PRKG1: variants seen among roughly 807,000 people sequenced by gnomAD.
PRKG1 encodes cGMP-dependent protein kinase 1.
Under a neutral mutation model 88.1 loss-of-function variants are expected in PRKG1, and 35 were observed. The observed-to-expected ratio is 0.40, with a 90% confidence interval of 0.30 to 0.53. The LOEUF is 0.53. Among genes scored for constraint, PRKG1 ranks in the 20% least tolerant of loss-of-function variants. PRKG1 has a pLI of 0.59. For missense variants in PRKG1, 540 were observed against 839.8 expected, an observed-to-expected ratio of 0.64 and a Z score of 4.41; for synonymous variants, 303 against 292.5, an observed-to-expected ratio of 1.04 and a Z score of -0.37.
At chr10:52,198,286 G>C (rs776822415) in intron 9 of PRKG1, among the ~76,000 whole-genome samples, 4 of 152,108 alleles carry the variant, frequency 2.6e-5, no homozygotes, top group Non-Finnish European at 5.9e-5. Flanking sequence ...ATAAATATTT[G>C]TTCTGTGGAA....
rs534890181 is a variant in PRKG1, at chr10:52,219,350, A to G, written c.1077-32220A>G. ...CCTTCAGATTACAAACTCTCTGCAT[A>G]AGAGTCCAGTAATCCTTTGAGTCTA... On this transcript the variant is annotated intron_variant, in intron 9 of 17. Coordinates refer to ENST00000373980, the MANE Select transcript of PRKG1 (RefSeq NM_006258.4). Among the ~76,000 whole-genome samples, 5 of 152,300 alleles carry G rather than the reference A, an allele frequency of 3.3e-5. No homozygotes were observed. In the South Asian group the frequency reaches 1.0e-3, roughly 32 times the overall value.
At chr10:51,404,514 A>G (rs1382115673) in intron 2 of PRKG1, among the ~76,000 whole-genome samples, 3 of 152,246 alleles carry the variant, frequency 2.0e-5, no homozygotes, top group African/African-American at 7.2e-5. Flanking sequence ...AATATGATGG[A>G]CAAAGGTTGA....
chr10:51,210,964 T>C (rs985418962), intron 2 of PRKG1, among the ~76,000 whole-genome samples: 3 of 152,204 alleles, frequency 2.0e-5, no homozygotes, highest in African/African-American at 7.2e-5. Flanking sequence ...ACTCATTTTA[T>C]AAGGCCAGCA....
At chr10:51,457,228 A>G (rs189281554) in intron 2 of PRKG1, among the ~76,000 whole-genome samples, 5 of 152,346 alleles carry the variant, frequency 3.3e-5, no homozygotes, top group Admixed American at 3.3e-4. Flanking sequence ...TATATACACT[A>G]TGGGTTACTA....
At position 50,991,715 on chromosome 10, in the gene PRKG1, G is replaced by C. The variant is rs1208818719; in HGVS notation, c.266+71G>C. On this transcript the variant is annotated intron_variant, in intron 1 of 17. Transcript: ENST00000401604. The surrounding 1 kb of genome is among the most constrained non-coding windows in gnomAD (Gnocchi z 4.5). ...CGCAGAGGCTGGGGGCTCTGGCCGCGGCGGCGGGGGCGGGTCGGCCCAGGG... is the reference window on the plus strand; with the variant it reads ...CGCAGAGGCTGGGGGCTCTGGCCGCCGCGGCGGGGGCGGGTCGGCCCAGGG... 9 of 1,109,764 alleles carry C rather than the reference G, an allele frequency of 8.1e-6. No homozygotes were observed. In the East Asian group the frequency reaches 4.6e-4, roughly 57 times the overall value. 68.7% of individuals were successfully genotyped at this position (1,109,764 alleles called of 1,614,324 possible). A position where few individuals can be genotyped will look rare whatever the true frequency, so the allele number is the denominator to read the frequency against.
intron 7 of PRKG1, among the ~76,000 whole-genome samples, chr10:52,112,566 T>C (rs1847589086): frequency 6.6e-6 from 1 of 152,206 alleles, no homozygotes; most frequent in Non-Finnish European, 1.5e-5. Flanking sequence ...TTCTCTCATC[T>C]CAGCTTTTCT....
At chr10:52,081,779 A>G (rs941949253) in intron 7 of PRKG1, 1 of 418,708 alleles carries the variant, frequency 2.4e-6, no homozygotes, top group Non-Finnish European at 4.8e-6. Flanking sequence ...GGTGGTCGGT[A>G]TGGTCCTCAT....
chr10:51,449,187 A>G (rs1160097343), intron 2 of PRKG1, among the ~76,000 whole-genome samples: 1 of 151,982 alleles, frequency 6.6e-6, no homozygotes, highest in East Asian at 1.9e-4. Flanking sequence ...GTTGTGTCAA[A>G]CTTGCATATT....
intron 3 of PRKG1, among the ~76,000 whole-genome samples, chr10:51,780,352 A>G (rs970199214): frequency 1.3e-5 from 2 of 152,154 alleles, no homozygotes; most frequent in African/African-American, 4.8e-5. Context: ...AACCTTCAAC[A>G]AACTGGAATA....
intron 5 of PRKG1, among the ~76,000 whole-genome samples, chr10:51,943,945 GTAT>G (rs1842966704): frequency 6.6e-6 from 1 of 151,994 alleles, no homozygotes; most frequent in Admixed American, 6.5e-5. Flanking sequence ...CCCGGCTTTG[GTAT>G]CAGGATGATG....
intron 5 of PRKG1, among the ~76,000 whole-genome samples, chr10:52,011,894 T>G (rs1185418918): frequency 6.6e-6 from 1 of 152,152 alleles, no homozygotes; most frequent in Non-Finnish European, 1.5e-5. Flanking sequence ...GTTGTAAAAA[T>G]GGGAGATTCT....
intron 2 of PRKG1, among the ~76,000 whole-genome samples, chr10:51,337,077 A>C (rs570710788): frequency 2.0e-5 from 3 of 152,194 alleles, no homozygotes; most frequent in Non-Finnish European, 4.4e-5. Flanking sequence ...AGACCAATGG[A>C]ACAGAACAGA....
At chr10:51,143,855 T>C (rs547543237) in intron 1 of PRKG1, among the ~76,000 whole-genome samples, 9 of 152,096 alleles carry the variant, frequency 5.9e-5, no homozygotes, top group African/African-American at 2.2e-4. Flanking sequence ...TTGAGTTTCT[T>C]ATTTATTTTG....
Position 51,123,299 on chromosome 10 carries a change from A to G in PRKG1, c.312-29865A>G, listed in dbSNP as rs141061762. On this transcript the variant is annotated intron_variant, in intron 1 of 17. Transcript: ENST00000373980. ...TAAATTTTATTACTGTTATCCATAT[A>G]TATGGTTTAAAAAATCAGCCCAAAA... 2.1e-3 allele frequency among the ~76,000 whole-genome samples: 314 copies of G among 152,254 alleles called. 2 individuals carry two copies. Among genetic ancestry groups the G allele is most frequent in the African/African-American group, 7.3e-3 (304 of 41,560 alleles).
At chr10:52,065,841 G>T (rs2133275778) in intron 7 of PRKG1, among the ~76,000 whole-genome samples, 1 of 152,174 alleles carries the variant, frequency 6.6e-6, no homozygotes, top group South Asian at 2.1e-4. Flanking sequence ...ATAGAAATCA[G>T]GTGGCATTTT....
chr10:51,470,580 G>A (rs1459579909), intron 3 of PRKG1, among the ~76,000 whole-genome samples: 1 of 151,810 alleles, frequency 6.6e-6, no homozygotes, highest in African/African-American at 2.4e-5. Flanking sequence ...CTAAATCCTA[G>A]GTAGCATTCA....
At chr10:51,696,670 A>G (rs755219842) in intron 3 of PRKG1, 4 of 151,510 alleles carry the variant, frequency 2.6e-5, no homozygotes, top group Non-Finnish European at 5.9e-5. Context: ...CTCAGGTAAC[A>G]TAACTTTAGA....
At chr10:51,394,508 A>G (rs955042040) in intron 2 of PRKG1, among the ~76,000 whole-genome samples, 1 of 152,238 alleles carries the variant, frequency 6.6e-6, no homozygotes, top group Non-Finnish European at 1.5e-5. Flanking sequence ...GCAACAGGAA[A>G]AACCTGGATT....
intron 2 of PRKG1, among the ~76,000 whole-genome samples, chr10:51,355,288 C>A (rs570023534): frequency 2.0e-5 from 3 of 152,108 alleles, no homozygotes; most frequent in South Asian, 4.1e-4. Context: ...TTTGACAACA[C>A]CCTGGAAATG....
Sources: allele counts gnomAD v4.1 joint callset (sites outside exome capture counted in the v4.1 genomes callset), GRCh38; gene constraint gnomAD v4.1.1; non-coding constraint Gnocchi (gnomAD v3.1); transcripts MANE v1.5; gene names NCBI Gene and HGNC (gene_info 2026-07-23, HGNC 2026-07-21).